Variants in KLF12 observed in about 807,000 individuals in gnomAD.
The protein encoded by KLF12 is Krueppel-like factor 12.
KLF12 carries 9 observed loss-of-function variants against 37.8 expected under a neutral mutation model. That is an observed-to-expected ratio of 0.24 (90% CI 0.14 to 0.42). The LOEUF (loss-of-function observed/expected upper bound fraction) is 0.42. Among genes scored for constraint, KLF12 ranks in the 10% least tolerant of loss-of-function variants. The pLI is 1.00. For synonymous variants in KLF12, 208 were observed against 202.1 expected (o/e 1.03, Z -0.25); for missense variants, 411 against 516.0 (o/e 0.80, Z 1.97).
At chr13:74,228,255 A>G in the KLF12 span, among the ~76,000 whole-genome samples, 1 of 152,144 alleles carries the variant, frequency 6.6e-6, no homozygotes. Context: ...ATCTGAAACT[A>G]TATTATATAG....
At position 73,874,535 on chromosome 13, in the gene KLF12, G is replaced by A. The variant is rs1886614900; in HGVS notation, c.124-28162C>T. 2.0e-5 allele frequency among the ~76,000 whole-genome samples: 3 copies of A among 152,160 alleles called. No individual in the cohort carries two copies. In the South Asian group the frequency reaches 6.2e-4, roughly 32 times the overall value. Reference sequence around the variant, plus strand: ...TTCAGGAAAATGTCACTGCAGTGATGTCTGTCTATTCTAAATTGGAATCAA... The same window carrying A: ...TTCAGGAAAATGTCACTGCAGTGATATCTGTCTATTCTAAATTGGAATCAA... On this transcript the variant is annotated intron_variant, in intron 3 of 7. Coordinates refer to ENST00000377669, the MANE Select transcript of KLF12 (RefSeq NM_007249.5).
intron 1 of KLF12, among the ~76,000 whole-genome samples, chr13:74,121,735 G>A (rs937691767): frequency 2.6e-5 from 4 of 151,970 alleles, no homozygotes; most frequent in Admixed American, 2.6e-4. Context: ...GAGGTGTGAT[G>A]ATGGATAAAA....
At chr13:73,945,729 G>A (rs1704938359) in intron 2 of KLF12, among the ~76,000 whole-genome samples, 1 of 151,876 alleles carries the variant, frequency 6.6e-6, no homozygotes, top group African/African-American at 2.4e-5. Flanking sequence ...ATAAAAAGAA[G>A]AAAACAAATT....
At chr13:73,922,690 AAAGACAGTG>A (rs1470311209) in intron 3 of KLF12, among the ~76,000 whole-genome samples, 1 of 152,166 alleles carries the variant, frequency 6.6e-6, no homozygotes, top group Non-Finnish European at 1.5e-5. Flanking sequence ...CAATAAATTA[AAAGACAGTG>A]AACACTGACT....
rs112573928 is a variant in KLF12 at position 73,936,204 on chromosome 13, C to T, written c.123+7777G>A. ...CAGACATTGTGATTTTTACATCATT[C>T]AGCACTAGATCGTGTATTCTTTGGA... is the stretch of plus-strand genomic sequence containing the variant. On this transcript the variant is annotated intron_variant, in intron 3 of 7. Coordinates refer to ENST00000377669, the MANE Select transcript of KLF12 (RefSeq NM_007249.5). 6.0e-3 allele frequency among the ~76,000 whole-genome samples: 921 copies of T among 152,246 alleles called. 5 individuals are homozygous for T. Among genetic ancestry groups the T allele is most frequent in the Non-Finnish European group, 0.011 (742 of 68,022 alleles).
intron 4 of KLF12, among the ~76,000 whole-genome samples, chr13:73,826,731 C>T (rs1346047237): frequency 1.3e-5 from 2 of 151,668 alleles, no homozygotes; most frequent in African/African-American, 4.9e-5. Context: ...CAGTTTTGCT[C>T]TTTTTAAAAT....
chr13:74,202,927 C>A, the KLF12 span, among the ~76,000 whole-genome samples: 1 of 151,964 alleles, frequency 6.6e-6, no homozygotes. Flanking sequence ...GGCAGCAAGA[C>A]CAGCATGTTA....
intron 5 of KLF12, among the ~76,000 whole-genome samples, chr13:73,808,339 G>C (rs1032772161): frequency 2.0e-4 from 30 of 152,114 alleles, no homozygotes; most frequent in African/African-American, 6.5e-4. Flanking sequence ...TCTCTTGGTG[G>C]CTGCTTCTTC....
chr13:73,722,781 A>G (rs888043566), intron 6 of KLF12, among the ~76,000 whole-genome samples: 1 of 152,228 alleles, frequency 6.6e-6, no homozygotes, highest in Non-Finnish European at 1.5e-5. Context: ...GCGTTTGGCA[A>G]GTTTTCCATA....
chr13:74,295,980 A>AT, the KLF12 span, among the ~76,000 whole-genome samples: 1 of 150,720 alleles, frequency 6.6e-6, no homozygotes, highest in Admixed American at 6.6e-5. Flanking sequence ...TGACCAACCA[A>AT]ATTTTTTTTT....
chr13:73,802,394 A>G (rs1270055068), intron 5 of KLF12, among the ~76,000 whole-genome samples: 1 of 152,182 alleles, frequency 6.6e-6, no homozygotes, highest in African/African-American at 2.4e-5. Context: ...TTTATTTAAT[A>G]CATTACTGAA....
chr13:74,116,388 C>T (rs530242975), intron 1 of KLF12, among the ~76,000 whole-genome samples: 102 of 152,272 alleles, frequency 6.7e-4, no homozygotes, highest in Non-Finnish European at 1.0e-3. Flanking sequence ...ATTCTTTATA[C>T]GTGGCCATGA....
At chr13:74,070,320 G>C (rs895741516) in intron 1 of KLF12, among the ~76,000 whole-genome samples, 1 of 152,168 alleles carries the variant, frequency 6.6e-6, no homozygotes, top group Non-Finnish European at 1.5e-5. Context: ...GCAGGTAAAC[G>C]ACCACTAGCC....
chr13:74,065,723 T>G (rs1351339521), intron 1 of KLF12, among the ~76,000 whole-genome samples: 1 of 151,932 alleles, frequency 6.6e-6, no homozygotes, highest in Non-Finnish European at 1.5e-5. Flanking sequence ...GTGAGGGAAG[T>G]GCATGAGCAA....
chr13:74,205,457 A>G, the KLF12 span, among the ~76,000 whole-genome samples: 1 of 152,302 alleles, frequency 6.6e-6, no homozygotes, highest in East Asian at 1.9e-4. Flanking sequence ...CTTGGCACAT[A>G]GAAACTGAAG....
the KLF12 span, among the ~76,000 whole-genome samples, chr13:74,272,636 T>C: frequency 6.6e-6 from 1 of 152,108 alleles, no homozygotes; most frequent in Non-Finnish European, 1.5e-5. Context: ...ATTAATAGAA[T>C]ATGATAACAA....
the KLF12 span, among the ~76,000 whole-genome samples, chr13:74,288,195 A>T: frequency 6.6e-6 from 1 of 152,226 alleles, no homozygotes; most frequent in East Asian, 1.9e-4. Flanking sequence ...TTACCGCAAA[A>T]GAAGCAAACA....
intron 6 of KLF12, among the ~76,000 whole-genome samples, chr13:73,735,968 T>C (rs976558564): frequency 6.6e-6 from 1 of 151,736 alleles, no homozygotes; most frequent in Non-Finnish European, 1.5e-5. Flanking sequence ...TTTTTTTTTT[T>C]ACCTGCTTCA....
At position 73,845,852 on chromosome 13, in the gene KLF12, C is replaced by T. The variant is rs758466036; in HGVS notation, c.645G>A (p.Leu215=). Residue 215 remains leucine (L), a synonymous_variant, in exon 4 of 8, where the codon TTG becomes TTA. Coordinates refer to ENST00000377669, the MANE Select transcript of KLF12 (RefSeq NM_007249.5). ...CTTTGCCATGGCCTCTCCCATCCTC[C>T]AAAAGCGGCACGACAATAGTGTTGT... 6.8e-6 allele frequency: 11 copies of T among 1,613,766 alleles called. No individual in the cohort carries two copies. The highest frequency in any genetic ancestry group is 1.1e-5 in the South Asian group (1 of 91,046).
Sources: gnomAD v4.1 joint callset for allele counts (sites outside exome capture counted in the v4.1 genomes callset) on GRCh38, gnomAD v4.1.1 for gene constraint, MANE v1.5 for transcripts, NCBI Gene and HGNC (gene_info 2026-07-23, HGNC 2026-07-21) for gene names.